Variants in G3BP1 observed in about 807,000 individuals in gnomAD.
G3BP1 encodes the protein G3BP stress granule assembly factor 1.
In G3BP1, 35 loss-of-function variants were observed where a neutral mutation model predicts 58.6. The ratio of observed to expected loss-of-function variants is 0.60; its 90% CI spans 0.46 to 0.79. The LOEUF (loss-of-function observed/expected upper bound fraction) is 0.79. G3BP1 is among the 30% of genes least tolerant of loss of function. The pLI, the probability that G3BP1 is intolerant of heterozygous loss-of-function variation, is 0.00. For synonymous variants in G3BP1, 191 were observed against 195.4 expected, an observed-to-expected ratio of 0.98 and a Z score of 0.19; for missense variants, 523 against 580.8, an observed-to-expected ratio of 0.90 and a Z score of 1.02.
chr5:151,787,324 C>T (rs1762569872), intron 2 of G3BP1: 1 of 152,206 alleles, frequency 6.6e-6, no homozygotes. Context: ...TGAAGACAAT[C>T]CATGACTGTT....
intron 1 of G3BP1, among the ~76,000 whole-genome samples, chr5:151,782,213 A>AT (rs1370467803): frequency 6.6e-6 from 1 of 152,178 alleles, no homozygotes; most frequent in Admixed American, 6.6e-5. Context: ...CAGACAGAAG[A>AT]ATTGAGGTGA....
At chr5:151,799,415 G>A (rs1205687230) in intron 8 of G3BP1, 102 bp downstream of exon 8, 5 of 706,050 alleles carry the variant, frequency 7.1e-6, no homozygotes, top group Non-Finnish European at 1.3e-5. Context: ...CAGGTGCAGT[G>A]TGGCTCATGC....
rs576246122 is a variant in G3BP1, at chr5:151,799,970, A to C, written c.925A>C (p.Asn309His). 1.2e-6 allele frequency: 2 copies of C among 1,611,462 alleles called. No individual in the cohort carries two copies. Among genetic ancestry groups the C allele is most frequent in the East Asian group, 4.5e-5 (2 of 44,856 alleles). The change falls in exon 9 of 12, where the codon AAT becomes CAT. Residue 309 changes from asparagine (N) to histidine (H), a missense_variant. Physicochemically the swap from Asn to His is moderately conservative, Grantham distance 68. Coordinates refer to ENST00000356245, the MANE Select transcript of G3BP1 (RefSeq NM_005754.3). ...TCAAAGAGTGCGAGAACAACGAATAAATATTCCTCCCCAAAGGGGACCCAG... is the reference window on the plus strand; with the variant it reads ...TCAAAGAGTGCGAGAACAACGAATACATATTCCTCCCCAAAGGGGACCCAG... ...RDQRVREQRINIPPQRGPRPI... is the reference protein window; with the variant it reads ...RDQRVREQRIHIPPQRGPRPI...
intron 4 of G3BP1, among the ~76,000 whole-genome samples, chr5:151,792,684 G>T (rs1198692825): frequency 1.3e-5 from 2 of 151,448 alleles, no homozygotes; most frequent in African/African-American, 4.9e-5. Context: ...ACTTACTGCA[G>T]CCTTGACTGC....
intron 2 of G3BP1, 150 bp from the exon 3 acceptor site, chr5:151,790,173 A>T (rs1340432293): frequency 2.3e-6 from 1 of 430,188 alleles, no homozygotes; most frequent in African/African-American, 2.1e-5. Flanking sequence ...CGAAGCTGCA[A>T]TGAGCTATGA....
At chr5:151,790,298 A>G (rs200662004) in intron 2 of G3BP1, 25 bp from the exon 3 acceptor site, 4 of 1,244,840 alleles carry the variant, frequency 3.2e-6, no homozygotes, top group Non-Finnish European at 4.6e-6. Flanking sequence ...GAAGATGACA[A>G]GTAAATCATC....
intron 2 of G3BP1, among the ~76,000 whole-genome samples, chr5:151,788,034 C>T (rs1002694760): frequency 6.6e-6 from 1 of 151,872 alleles, no homozygotes; most frequent in African/African-American, 2.4e-5. Flanking sequence ...AGACGATCCT[C>T]CCACCTCAGC....
chr5:151,772,525 G>C (rs1439076775), intron 1 of G3BP1: 1 of 152,668 alleles, frequency 6.6e-6, no homozygotes, highest in Non-Finnish European at 1.5e-5. Context: ...AAGCGCCTTC[G>C]GTTTTGCAGA....
rs764968969 is a variant in G3BP1 at position 151,804,385 on chromosome 5, A to AT, written c.*310dup. ...TGCTTACTTTGCATATACAGACTGG[A>AT]TTTTTTTTTTTTTTTTACAGCCATT... On this transcript the variant is annotated 3_prime_UTR_variant, in exon 12 of 12. Coordinates refer to ENST00000356245, the MANE Select transcript of G3BP1 (RefSeq NM_005754.3). The AT allele has an allele frequency of 0.034, 6,696 of 197,386 alleles. 107 individuals are homozygous for AT. The highest frequency in any genetic ancestry group is 0.076 in the African/African-American group (3,053 of 40,028). The allele number at this position is 197,386 out of a possible 1,614,324, so 12.2% of individuals were successfully genotyped here. A position where few individuals can be genotyped will look rare whatever the true frequency, so the allele number is the denominator to read the frequency against.
chr5:151,795,424 T>G, intron 5 of G3BP1, 55 bp from the exon 6 acceptor site: 1 of 861,980 alleles, frequency 1.2e-6, no homozygotes, highest in South Asian at 1.5e-5. Context: ...CGAAAGTTAA[T>G]GTATATGTGA....
intron 1 of G3BP1, among the ~76,000 whole-genome samples, chr5:151,783,616 C>G (rs995117356): frequency 2.0e-5 from 3 of 152,022 alleles, no homozygotes; most frequent in African/African-American, 7.2e-5. Flanking sequence ...ATCTCAAACT[C>G]CTGGCCTCAA....
chr5:151,783,714 C>T (rs1001909941), intron 1 of G3BP1, among the ~76,000 whole-genome samples: 2 of 151,704 alleles, frequency 1.3e-5, no homozygotes, highest in African/African-American at 2.4e-5. Flanking sequence ...AACAAAATTA[C>T]TCGCTAAACT....
intron 7 of G3BP1, 98 bp downstream of exon 7, chr5:151,797,526 ATT>A (rs1409133558): frequency 7.8e-7 from 1 of 1,278,986 alleles, no homozygotes; most frequent in Admixed American, 2.6e-5. Context: ...TTGTAGATAC[ATT>A]TTCATATTGG....
chr5:151,795,253 G>C (rs533299767), intron 5 of G3BP1, among the ~76,000 whole-genome samples: 4 of 152,304 alleles, frequency 2.6e-5, no homozygotes, highest in African/African-American at 9.6e-5. Flanking sequence ...TCTCTAGCCT[G>C]GGCGAGAGAG....
chr5:151,784,067 T>C (rs1356754575), intron 1 of G3BP1, among the ~76,000 whole-genome samples: 1 of 152,138 alleles, frequency 6.6e-6, no homozygotes, highest in African/African-American at 2.4e-5. Context: ...TGGCCAACAT[T>C]TTTTAATTTA....
intron 1 of G3BP1, among the ~76,000 whole-genome samples, chr5:151,784,700 AT>A (rs1007695155): frequency 1.3e-5 from 2 of 151,864 alleles, no homozygotes; most frequent in African/African-American, 2.4e-5. Context: ...GTATACTTTC[AT>A]TTTTTTTACT....
intron 1 of G3BP1, among the ~76,000 whole-genome samples, chr5:151,785,498 A>G (rs1173271576): frequency 1.3e-5 from 2 of 152,102 alleles, no homozygotes; most frequent in Non-Finnish European, 2.9e-5. Context: ...ATCTGTATAT[A>G]TTCTCTGTTT....
intron 1 of G3BP1, among the ~76,000 whole-genome samples, chr5:151,773,282 G>A (rs1365014487): frequency 6.6e-6 from 1 of 152,088 alleles, no homozygotes; most frequent in Non-Finnish European, 1.5e-5. Context: ...AGCATCTGTG[G>A]GTTAAAATAC....
In G3BP1 at chr5:151,800,242, A is replaced by C. The variant is rs1426259170; in HGVS notation, c.980A>C (p.Asp327Ala). The change falls in exon 10 of 12, where the codon GAC becomes GCC. Residue 327 changes from aspartate (D) to alanine (A), a missense_variant. Coordinates refer to ENST00000356245, the MANE Select transcript of G3BP1 (RefSeq NM_005754.3). ...GTCCGTGAGGCTGGTGAGCAAGGTG[A>C]CATTGAACCCCGAAGAATGGTGAGA... ...RPIREAGEQG[D>A]IEPRRMVRHP... is the part of the protein sequence containing the mutation. 8.7e-6 allele frequency: 14 copies of C among 1,612,710 alleles called. No homozygotes were observed. Among genetic ancestry groups the C allele is most frequent in the Non-Finnish European group, 1.2e-5 (14 of 1,179,782 alleles).
Sources: allele counts gnomAD v4.1 joint callset (sites outside exome capture counted in the v4.1 genomes callset), GRCh38; gene constraint gnomAD v4.1.1; transcripts MANE v1.5; gene names NCBI Gene and HGNC (gene_info 2026-07-23, HGNC 2026-07-21).